Variants in STAU2 observed in about 807,000 individuals in gnomAD.
STAU2 encodes double-stranded RNA-binding protein Staufen homolog 2.
In STAU2, 20 loss-of-function variants were observed where a neutral mutation model predicts 65.9. The ratio of observed to expected loss-of-function variants is 0.30; its 90% CI spans 0.21 to 0.44. The LOEUF (loss-of-function observed/expected upper bound fraction) is 0.44, where lower values mean the gene tolerates loss of function less well. STAU2 is among the 20% of genes least tolerant of loss of function. STAU2 has a pLI of 1.00. For synonymous variants in STAU2, 232 were observed against 233.9 expected, an observed-to-expected ratio of 0.99 and a Z score of 0.07; for missense variants, 558 against 683.9, an observed-to-expected ratio of 0.82 and a Z score of 2.05.
chr8:73,541,838 T>C (rs1174315661), intron 13 of STAU2, among the ~76,000 whole-genome samples: 2 of 151,844 alleles, frequency 1.3e-5, no homozygotes. Flanking sequence ...CTGGAGAGGA[T>C]GGAGGGAAGA....
At chr8:73,549,312 C>T (rs1195494298) in intron 13 of STAU2, among the ~76,000 whole-genome samples, 1 of 152,110 alleles carries the variant, frequency 6.6e-6, no homozygotes. Flanking sequence ...AATAAACATT[C>T]ATTTCTGACA....
At chr8:73,584,009 T>C (rs2128963295) in intron 11 of STAU2, among the ~76,000 whole-genome samples, 1 of 152,348 alleles carries the variant, frequency 6.6e-6, no homozygotes, top group Admixed American at 6.5e-5. Context: ...TGCAAATAGT[T>C]TACCCATGTT....
intron 6 of STAU2, among the ~76,000 whole-genome samples, chr8:73,625,156 A>C (rs1366802301): frequency 6.6e-6 from 1 of 152,212 alleles, no homozygotes. Context: ...ATAGTTTACC[A>C]GTTCCTCAAA....
At chr8:73,461,853 G>A (rs941538611) in intron 13 of STAU2, among the ~76,000 whole-genome samples, 11 of 152,140 alleles carry the variant, frequency 7.2e-5, no homozygotes, top group African/African-American at 2.4e-4. Context: ...CTGCCCAGCC[G>A]TGTGGCCACA....
At chr8:73,516,869 T>C (rs1453740223) in intron 13 of STAU2, among the ~76,000 whole-genome samples, 1 of 152,182 alleles carries the variant, frequency 6.6e-6, no homozygotes, top group Non-Finnish European at 1.5e-5. Flanking sequence ...AAAGTCTATA[T>C]AGGCAACAGT....
intron 3 of STAU2, among the ~76,000 whole-genome samples, chr8:73,737,827 A>T (rs1806553204): frequency 6.6e-6 from 1 of 152,074 alleles, no homozygotes; most frequent in Non-Finnish European, 1.5e-5. Flanking sequence ...CAGTGAGTCT[A>T]AAGTATTAAA....
At chr8:73,504,279 T>C (rs1821928649) in intron 13 of STAU2, among the ~76,000 whole-genome samples, 2 of 152,128 alleles carry the variant, frequency 1.3e-5, no homozygotes, top group East Asian at 3.9e-4. Flanking sequence ...AAAATGGAAC[T>C]GATAATTTGG....
chr8:73,670,295 A>G (rs1817579279), intron 6 of STAU2: 1 of 152,214 alleles, frequency 6.6e-6, no homozygotes, highest in South Asian at 2.1e-4. Context: ...AATGAAATAT[A>G]CCAAGGAAGC....
At chr8:73,683,955 A>G (rs1043116947) in intron 5 of STAU2, among the ~76,000 whole-genome samples, 2 of 152,226 alleles carry the variant, frequency 1.3e-5, no homozygotes, top group Admixed American at 6.5e-5. Context: ...GAAAGAAATC[A>G]TAGAGGATAC....
At chr8:73,499,358 G>A (rs1254417036) in intron 13 of STAU2, among the ~76,000 whole-genome samples, 1 of 151,820 alleles carries the variant, frequency 6.6e-6, no homozygotes, top group East Asian at 1.9e-4. Flanking sequence ...ACTTGAAAGT[G>A]GATAGGACCC....
intron 6 of STAU2, among the ~76,000 whole-genome samples, chr8:73,642,559 GA>G (rs1032306605): frequency 1.3e-5 from 2 of 151,968 alleles, no homozygotes; most frequent in African/African-American, 4.8e-5. Flanking sequence ...CCACTCTTCT[GA>G]AAATGAAGAC....
At position 73,688,788 on chromosome 8, in the gene STAU2, C is replaced by T. The variant is rs759125167; in HGVS notation, c.140G>A (p.Gly47Asp). 6.2e-7 allele frequency: 1 copy of T among 1,614,100 alleles called. No homozygotes were observed. Among genetic ancestry groups the T allele is most frequent in the Non-Finnish European group, 8.5e-7 (1 of 1,180,012 alleles). The change falls in exon 5 of 15, where the codon GGT becomes GAT. Residue 47 changes from glycine (G) to aspartate (D), a missense_variant. Physicochemically the swap from Gly to Asp is moderately conservative, Grantham distance 94. Transcript: ENST00000524300. ...GCCTTCGGATTCCCATGTCTGCTCA[C>T]CAAGACTCAGCTGCACTGAGAACAT... The part of the protein sequence containing the change: ...SKMFSVQLSL[G>D]EQTWESEGSS...
Position 73,688,715 on chromosome 8 carries a change from A to C in STAU2, c.213T>G (p.Thr71=). 1 of 1,614,224 alleles carries C rather than the reference A, an allele frequency of 6.2e-7. No homozygotes were observed. The highest frequency in any genetic ancestry group is 1.1e-5 in the South Asian group (1 of 91,086). ...GAACTGGTTTGGGAAGCGTAGATTC[A>C]GTCAAAGCTTTATTGGCAACAGCCT... ...AQQAVANKAL[T]ESTLPKPVQK... Residue 71 remains threonine (T), a synonymous_variant, in exon 5 of 15, where the codon ACT becomes ACG. Transcript: ENST00000524300.
intron 11 of STAU2, 55 bp from the exon 12 acceptor site, chr8:73,582,885 A>G: frequency 1.3e-6 from 2 of 1,505,088 alleles, no homozygotes; most frequent in Non-Finnish European, 1.8e-6. Flanking sequence ...TTCAAAAAGA[A>G]AAAAAAAAAG....
chr8:73,509,431 A>G (rs1036002032), intron 13 of STAU2, among the ~76,000 whole-genome samples: 2 of 152,138 alleles, frequency 1.3e-5, no homozygotes, highest in African/African-American at 4.8e-5. Context: ...TTTTCCTCTA[A>G]TCTGTGGCTT....
At chr8:73,714,160 C>G (rs1419067440) in intron 3 of STAU2, among the ~76,000 whole-genome samples, 1 of 152,170 alleles carries the variant, frequency 6.6e-6, no homozygotes, top group Non-Finnish European at 1.5e-5. Context: ...ACCTCAGCCT[C>G]CCGAAGTGGT....
intron 6 of STAU2, among the ~76,000 whole-genome samples, chr8:73,619,810 G>T (rs1305537834): frequency 6.6e-6 from 1 of 152,082 alleles, no homozygotes; most frequent in African/African-American, 2.4e-5. Context: ...ACAACACAAT[G>T]TCAGGGACAG....
intron 6 of STAU2, among the ~76,000 whole-genome samples, chr8:73,661,112 GT>G (rs1427094441): frequency 6.6e-6 from 1 of 152,188 alleles, no homozygotes; most frequent in Admixed American, 6.5e-5. Context: ...TAACTTACAG[GT>G]GAATTAACCG....
At chr8:73,695,302 G>A (rs1819625181) in intron 4 of STAU2, among the ~76,000 whole-genome samples, 1 of 152,212 alleles carries the variant, frequency 6.6e-6, no homozygotes, top group Non-Finnish European at 1.5e-5. Flanking sequence ...ACCAGGCAGA[G>A]CCGTGAGGCC....
Sources: gnomAD v4.1 joint callset for allele counts (sites outside exome capture counted in the v4.1 genomes callset) on GRCh38, gnomAD v4.1.1 for gene constraint, MANE v1.5 for transcripts, NCBI Gene and HGNC (gene_info 2026-07-23, HGNC 2026-07-21) for gene names.